The following CELF2 variants were observed in gnomAD, a reference collection of about 807,000 sequenced individuals.
The protein encoded by CELF2 is CUG triplet repeat RNA-binding protein 2.
Under a neutral mutation model 62.6 loss-of-function variants are expected in CELF2, and 8 were observed. The ratio of observed to expected loss-of-function variants is 0.13; its 90% CI spans 0.07 to 0.23. CELF2 has a LOEUF of 0.23. Among genes scored for constraint, CELF2 ranks in the 10% least tolerant of loss-of-function variants. CELF2 has a pLI of 1.00. For missense variants in CELF2, 333 were observed against 671.0 expected, an observed-to-expected ratio of 0.50 and a Z score of 5.56; for synonymous variants, 258 against 250.0, an observed-to-expected ratio of 1.03 and a Z score of -0.30.
At chr10:11,254,355 G>A (rs769525874) in intron 4 of CELF2, among the ~76,000 whole-genome samples, 2 of 152,214 alleles carry the variant, frequency 1.3e-5, no homozygotes, top group Non-Finnish European at 2.9e-5. Flanking sequence ...GCACAGGTGC[G>A]CTCACACGCC....
At chr10:10,819,848 C>T (rs2056809379) in intron 1 of CELF2, among the ~76,000 whole-genome samples, 1 of 152,220 alleles carries the variant, frequency 6.6e-6, no homozygotes, top group Middle Eastern at 3.4e-3. Context: ...AGTTTCATGG[C>T]CTCCCTTATT....
intron 1 of CELF2, among the ~76,000 whole-genome samples, chr10:10,840,625 C>A (rs1216112781): frequency 6.6e-6 from 1 of 152,092 alleles, no homozygotes; most frequent in Non-Finnish European, 1.5e-5. Flanking sequence ...ACATATTTTG[C>A]AAATGTATTT....
chr10:11,330,683 C>T lies in CELF2; in HGVS notation c.*1630C>T, dbSNP rs561249482. The T allele has an allele frequency of 2.0e-5, 3 of 152,716 alleles. No individual in the cohort carries two copies. The South Asian group carries it at 6.2e-4, about 32-fold the overall frequency. The allele number at this position is 152,716 out of a possible 1,614,324, so 9.5% of individuals were successfully genotyped here. ...AAAACATTGCTGCATTCATGCAAGA[C>T]TGAAATTTATTATTAGACAAATTCA... On this transcript the variant is annotated 3_prime_UTR_variant, in exon 13 of 13. Coordinates refer to ENST00000633077, the MANE Select transcript of CELF2 (RefSeq NM_001326342.2). This position sits in a 1 kb window ranked among gnomAD's most constrained non-coding sequence, Gnocchi z 4.5.
rs1022154734 is a variant in CELF2, at chr10:11,315,920, C to T, written c.1096+1662C>T. On this transcript the variant is annotated intron_variant, in intron 10 of 12. Transcript: ENST00000633077. The surrounding 1 kb of genome is among the most constrained non-coding windows in gnomAD (Gnocchi z 5.8). ...CCTAAAACAAGGACTTTGATTTGAC[C>T]GCCTGCCTGTCCTTGGTCTGCAGAG... Among the ~76,000 whole-genome samples the T allele has an allele frequency of 2.6e-5, 4 of 152,346 alleles. No homozygotes were observed. Among genetic ancestry groups the T allele is most frequent in the Admixed American group, 6.5e-5 (1 of 15,302 alleles).
At chr10:10,906,871 G>A (rs947673164) in intron 1 of CELF2, among the ~76,000 whole-genome samples, 4 of 151,656 alleles carry the variant, frequency 2.6e-5, no homozygotes, top group Admixed American at 6.6e-5. Context: ...GGCACAAGCC[G>A]CCACACCCAG....
In CELF2 at chr10:11,330,541, C is replaced by A. The variant is rs2095989785; in HGVS notation, c.*1488C>A. On this transcript the variant is annotated 3_prime_UTR_variant, in exon 13 of 13. Coordinates refer to ENST00000633077, the MANE Select transcript of CELF2 (RefSeq NM_001326342.2). This position sits in a 1 kb window ranked among gnomAD's most constrained non-coding sequence, Gnocchi z 4.5. ...AAGTTTCATCGTCCCGTCATTGTTT[C>A]TGATGTCTTTCTGACCTCACATCAT... The A allele has an allele frequency of 6.6e-6, 1 of 152,476 alleles. No individual in the cohort carries two copies. Among genetic ancestry groups the A allele is most frequent in the Non-Finnish European group, 1.5e-5 (1 of 68,028 alleles). 9.4% of individuals were successfully genotyped at this position (152,476 alleles called of 1,614,324 possible).
In CELF2 at chr10:10,936,055, A is replaced by C. The variant is rs1043749454; in HGVS notation, c.89+16056A>C. ...CACACACCTGTAGTCCCAGCTACTC[A>C]TGAGGCTGAAGCAAGAGAATCGCTT... is the stretch of plus-strand genomic sequence containing the variant. On this transcript the variant is annotated intron_variant, in intron 2 of 13. Coordinates refer to the CELF2 transcript ENST00000636488. The surrounding 1 kb of genome is among the most constrained non-coding windows in gnomAD (Gnocchi z 4.0). 2.0e-5 allele frequency among the ~76,000 whole-genome samples: 3 copies of C among 151,956 alleles called. No individual in the cohort carries two copies. Among genetic ancestry groups the C allele is most frequent in the African/African-American group, 7.3e-5 (3 of 41,356 alleles).
intron 1 of CELF2, among the ~76,000 whole-genome samples, chr10:10,867,100 G>A (rs1475077663): frequency 6.6e-6 from 1 of 152,096 alleles, no homozygotes; most frequent in Non-Finnish European, 1.5e-5. Context: ...GCTGGTAAAT[G>A]TTCAACAACC....
the CELF2 span, among the ~76,000 whole-genome samples, chr10:10,481,799 T>C: frequency 7.2e-5 from 11 of 152,208 alleles, no homozygotes; most frequent in African/African-American, 2.7e-4. Flanking sequence ...TTGAGGGAAA[T>C]CATGCAAATG....
chr10:10,661,967 G>A, the CELF2 span, among the ~76,000 whole-genome samples: 544 of 152,204 alleles, frequency 3.6e-3, 2 homozygotes, highest in African/African-American at 0.012. Context: ...CCTGCTCCAG[G>A]GCTATGGGGT....
intron 2 of CELF2, among the ~76,000 whole-genome samples, chr10:11,204,510 G>C (rs1352638423): frequency 1.3e-5 from 2 of 152,346 alleles, no homozygotes; most frequent in Admixed American, 6.5e-5. Flanking sequence ...TATACAGTAG[G>C]AACCTCCGGT....
At chr10:10,763,793 G>A in the CELF2 span, among the ~76,000 whole-genome samples, 1 of 152,214 alleles carries the variant, frequency 6.6e-6, no homozygotes, top group Admixed American at 6.5e-5. Context: ...AAAATTGGAA[G>A]AGCCTGCCTC....
chr10:10,714,144 G>A, the CELF2 span, among the ~76,000 whole-genome samples: 8 of 152,092 alleles, frequency 5.3e-5, no homozygotes, highest in African/African-American at 1.7e-4. Flanking sequence ...TAAAGACATC[G>A]CTCCCCCAAA....
At chr10:10,713,902 G>A in the CELF2 span, among the ~76,000 whole-genome samples, 2 of 152,150 alleles carry the variant, frequency 1.3e-5, no homozygotes, top group African/African-American at 4.8e-5. Context: ...GGGTGTGGCG[G>A]CACGTGTCTG....
At chr10:10,689,897 C>A in the CELF2 span, among the ~76,000 whole-genome samples, 1,286 of 152,292 alleles carry the variant, frequency 8.4e-3, 7 homozygotes, top group African/African-American at 0.011. Flanking sequence ...TGAAATCCCA[C>A]AGGAAGTATT....
At chr10:10,571,500 C>T in the CELF2 span, among the ~76,000 whole-genome samples, 5 of 152,040 alleles carry the variant, frequency 3.3e-5, no homozygotes, top group Admixed American at 1.3e-4. Context: ...TTTTGCCACA[C>T]GAATTCAAGA....
chr10:11,267,891 G>A lies in CELF2; in HGVS notation c.618+1214G>A, dbSNP rs891110576. 3.9e-5 allele frequency among the ~76,000 whole-genome samples: 6 copies of A among 152,084 alleles called. No homozygotes were observed. The highest frequency in any genetic ancestry group is 8.8e-5 in the Non-Finnish European group (6 of 68,008). ...TGATACCAGCATTGCAAAGCCTATT[G>A]TCTTTTTCGAACATTGATCTTGACT... On this transcript the variant is annotated intron_variant, in intron 6 of 12. Coordinates refer to ENST00000633077, the MANE Select transcript of CELF2 (RefSeq NM_001326342.2). The surrounding 1 kb of genome is among the most constrained non-coding windows in gnomAD (Gnocchi z 4.4).
intron 4 of CELF2, among the ~76,000 whole-genome samples, chr10:11,252,743 C>T (rs2077519719): frequency 1.3e-5 from 2 of 152,158 alleles, no homozygotes; most frequent in African/African-American, 2.4e-5. Context: ...TTTCCATCCA[C>T]GTGCTCCCAC....
intron 1 of CELF2, among the ~76,000 whole-genome samples, chr10:10,914,236 GC>G (rs2064118567): frequency 6.6e-6 from 1 of 152,056 alleles, no homozygotes; most frequent in African/African-American, 2.4e-5. Flanking sequence ...CACACAATTA[GC>G]ATGGGGGCTC....
Sources: allele counts gnomAD v4.1 joint callset (sites outside exome capture counted in the v4.1 genomes callset), GRCh38; gene constraint gnomAD v4.1.1; non-coding constraint Gnocchi (gnomAD v3.1); transcripts MANE v1.5; gene names NCBI Gene and HGNC (gene_info 2026-07-23, HGNC 2026-07-21).